Variants in RAB3IP observed in about 807,000 individuals in gnomAD.
The protein encoded by RAB3IP is RAB3A interacting protein, also known as rab-3A-interacting protein.
Under a neutral mutation model 59.1 loss-of-function variants are expected in RAB3IP, and 36 were observed. That is an observed-to-expected ratio of 0.61 (90% CI 0.47 to 0.80). The LOEUF is 0.80. RAB3IP is among the 30% of genes least tolerant of loss of function. The probability of loss-of-function intolerance (pLI) is 0.00; values close to 1 mark genes in which losing one functional copy is unlikely to be tolerated. For missense variants in RAB3IP, 511 were observed against 536.0 expected (o/e 0.95, Z 0.46); for synonymous variants, 207 against 191.2 (o/e 1.08, Z -0.68).
chr12:69,753,618 G>T (rs1869694324), intron 1 of RAB3IP, among the ~76,000 whole-genome samples: 1 of 152,062 alleles, frequency 6.6e-6, no homozygotes, highest in African/African-American at 2.4e-5. Context: ...CAAAGTGCTG[G>T]GATTATAGGT....
chr12:69,745,066 A>G (rs2136100513), intron 1 of RAB3IP, among the ~76,000 whole-genome samples: 1 of 152,348 alleles, frequency 6.6e-6, no homozygotes, highest in Non-Finnish European at 1.5e-5. Flanking sequence ...AAGTAGACAC[A>G]ATAGTATAAT....
intron 8 of RAB3IP, among the ~76,000 whole-genome samples, chr12:69,809,732 C>A (rs1315940783): frequency 6.6e-6 from 1 of 152,192 alleles, no homozygotes; most frequent in Non-Finnish European, 1.5e-5. Context: ...AGTTCTCATG[C>A]CATGGTTTTC....
At chr12:69,808,488 T>C (rs1728497320) in intron 8 of RAB3IP, among the ~76,000 whole-genome samples, 1 of 151,660 alleles carries the variant, frequency 6.6e-6, no homozygotes, top group African/African-American at 2.4e-5. Context: ...CACAGTGGGG[T>C]TGTTGACAGT....
chr12:69,787,898 A>G (rs1875958352), intron 4 of RAB3IP, among the ~76,000 whole-genome samples: 1 of 152,156 alleles, frequency 6.6e-6, no homozygotes, highest in Non-Finnish European at 1.5e-5. Flanking sequence ...CACACTTGCT[A>G]ATGGACATAC....
intron 4 of RAB3IP, among the ~76,000 whole-genome samples, chr12:69,787,647 G>A (rs4512898): frequency 0.13 from 19,735 of 152,088 alleles, 1,843 homozygotes; most frequent in East Asian, 0.4. Context: ...CAAGTGATCA[G>A]TTAAGTCTTT....
chr12:69,785,373 T>C (rs1449471715), intron 4 of RAB3IP, among the ~76,000 whole-genome samples: 11 of 152,180 alleles, frequency 7.2e-5, no homozygotes, highest in Non-Finnish European at 1.6e-4. Context: ...TACATATACA[T>C]GTATAGAGAG....
At chr12:69,781,303 C>T (rs993991511) in intron 3 of RAB3IP, among the ~76,000 whole-genome samples, 4 of 152,092 alleles carry the variant, frequency 2.6e-5, no homozygotes, top group Non-Finnish European at 4.4e-5. Flanking sequence ...TCCACACACG[C>T]ACAGCATCCC....
intron 8 of RAB3IP, among the ~76,000 whole-genome samples, chr12:69,807,764 G>C (rs1464553687): frequency 1.3e-5 from 2 of 148,528 alleles, no homozygotes; most frequent in Non-Finnish European, 3.0e-5. Context: ...GGGGCGGCTG[G>C]GCAGAGGCGC....
intron 8 of RAB3IP, among the ~76,000 whole-genome samples, chr12:69,808,868 G>T (rs559282892): frequency 6.6e-6 from 1 of 152,212 alleles, no homozygotes; most frequent in African/African-American, 2.4e-5. Flanking sequence ...GCCAGTCTGT[G>T]TCTTTTAATT....
At chr12:69,773,218 G>A (rs1873448745) in intron 3 of RAB3IP, among the ~76,000 whole-genome samples, 2 of 151,954 alleles carry the variant, frequency 1.3e-5, no homozygotes, top group Non-Finnish European at 2.9e-5. Context: ...GCTGCTTTCA[G>A]AATCCCCTCC....
rs144640087 is a variant in RAB3IP, at chr12:69,815,017, TAAG to T, written c.1301-346_1301-344del. Among the ~76,000 whole-genome samples the T allele has an allele frequency of 6.8e-3, 1,041 of 152,324 alleles. 8 individuals are homozygous for T. The highest frequency in any genetic ancestry group is 0.023 in the African/African-American group (959 of 41,566). ...TAACAAACTAGAGCAAGAAGATTCGTAAGTTAGAGAATAGCTCGAATAATTGAG... is the reference window on the plus strand; with the variant it reads ...TAACAAACTAGAGCAAGAAGATTCGTTTAGAGAATAGCTCGAATAATTGAG... On this transcript the variant is annotated intron_variant, in intron 10 of 10. Coordinates refer to ENST00000247833, the MANE Select transcript of RAB3IP (RefSeq NM_022456.5).
chr12:69,770,774 CACATAT>C (rs1194474483), intron 3 of RAB3IP, among the ~76,000 whole-genome samples: 6 of 152,160 alleles, frequency 3.9e-5, no homozygotes, highest in African/African-American at 1.4e-4. Flanking sequence ...TTTACACATA[CACATAT>C]ACATATATAC....
chr12:69,766,140 A>G (rs1872162308), intron 3 of RAB3IP, among the ~76,000 whole-genome samples: 1 of 152,092 alleles, frequency 6.6e-6, no homozygotes, highest in Admixed American at 6.5e-5. Context: ...TCCTGTGACG[A>G]TCTTCATTTT....
intron 1 of RAB3IP, among the ~76,000 whole-genome samples, chr12:69,740,083 A>G (rs113809045): frequency 6.6e-6 from 1 of 152,188 alleles, no homozygotes; most frequent in Non-Finnish European, 1.5e-5. Flanking sequence ...AGAGGATTAC[A>G]ACAAAACTGT....
chr12:69,811,777 C>T (rs551749499), intron 8 of RAB3IP, among the ~76,000 whole-genome samples: 1 of 152,236 alleles, frequency 6.6e-6, no homozygotes, highest in East Asian at 1.9e-4. Context: ...CAAAAATTAT[C>T]CTGTTTCAAA....
At chr12:69,766,198 C>T (rs1592499277) in intron 3 of RAB3IP, among the ~76,000 whole-genome samples, 1 of 152,230 alleles carries the variant, frequency 6.6e-6, no homozygotes, top group East Asian at 1.9e-4. Flanking sequence ...GGGTGTTTAC[C>T]TTTCTAGCAA....
intron 3 of RAB3IP, among the ~76,000 whole-genome samples, chr12:69,771,092 G>A (rs1057246170): frequency 2.6e-5 from 4 of 152,130 alleles, no homozygotes; most frequent in Non-Finnish European, 5.9e-5. Flanking sequence ...TCACATATGA[G>A]TGAGATCATG....
chr12:69,775,897 G>C (rs902190026), intron 3 of RAB3IP, among the ~76,000 whole-genome samples: 1 of 117,514 alleles, frequency 8.5e-6, no homozygotes, highest in Admixed American at 9.7e-5. Flanking sequence ...GTCTCTGCCC[G>C]GCTTTGGTAT....
intron 1 of RAB3IP, among the ~76,000 whole-genome samples, chr12:69,750,196 A>G (rs1196406072): frequency 6.6e-6 from 1 of 152,186 alleles, no homozygotes; most frequent in African/African-American, 2.4e-5. Flanking sequence ...TAAGTGCTCA[A>G]CGAATACTAG....
Sources: allele counts gnomAD v4.1 joint callset (sites outside exome capture counted in the v4.1 genomes callset), GRCh38; gene constraint gnomAD v4.1.1; transcripts MANE v1.5; gene names NCBI Gene and HGNC (gene_info 2026-07-23, HGNC 2026-07-21).